The following SON variants were observed in gnomAD, a reference collection of about 807,000 sequenced individuals.
SON encodes the protein protein SON.
A neutral mutation model predicts 173.3 loss-of-function variants in SON; 4 were observed. That is an observed-to-expected ratio of 0.02 (90% CI 0.01 to 0.05). SON has a LOEUF of 0.05. Among genes scored for constraint, SON ranks in the 10% least tolerant of loss-of-function variants. The pLI, the probability that SON is intolerant of heterozygous loss-of-function variation, is 1.00. For synonymous variants in SON, 1,190 were observed against 1,105.9 expected (o/e 1.08, Z -1.51); for missense variants, 2,626 against 3,055.3 (o/e 0.86, Z 3.31).
chr21:33,576,017 A>AGT (rs1264148942), intron 11 of SON, 124 bp downstream of exon 11: 2 of 569,218 alleles, frequency 3.5e-6, no homozygotes, highest in African/African-American at 3.8e-5. Context: ...TTTGTAGTTA[A>AGT]GTGGTGGGGT....
intron 6 of SON, among the ~76,000 whole-genome samples, chr21:33,564,728 C>T (rs1482011270): frequency 1.3e-5 from 2 of 151,886 alleles, no homozygotes; most frequent in Non-Finnish European, 2.9e-5. Context: ...GGGGTGGCAG[C>T]GCATGCCTGT....
Position 33,552,298 on chromosome 21 carries a change from T to A in SON, c.3067T>A (p.Ser1023Thr). Residue 1023 changes from serine to threonine, a missense_variant, in exon 3 of 12, where the codon TCT (serine) becomes ACT (threonine). This residue lies in a region of SON where 366 missense variants were observed against 448.6 expected (regional missense o/e 0.82). Coordinates refer to ENST00000356577, the MANE Select transcript of SON (RefSeq NM_138927.4). This position sits in a 1 kb window ranked among gnomAD's most constrained non-coding sequence, Gnocchi z 5.6. ...ACGCTCTATGATGTCTTATGAGCGG[T>A]CTATGATGTCCCCTATGGCTGAACG... ...YERSMMSYERSMMSPMAERSM... is the reference protein window; with the variant it reads ...YERSMMSYERTMMSPMAERSM... 1 of 1,614,034 alleles carries A rather than the reference T, an allele frequency of 6.2e-7. No individual in the cohort carries two copies. Among genetic ancestry groups the A allele is most frequent in the Non-Finnish European group, 8.5e-7 (1 of 1,179,986 alleles).
At chr21:33,557,667 C>T (rs1359718332) in intron 4 of SON, 4 of 1,517,002 alleles carry the variant, frequency 2.6e-6, no homozygotes, top group Non-Finnish European at 3.5e-6. Context: ...TCACTGATCG[C>T]CACGAGTATA....
Position 33,553,881 on chromosome 21 carries a change from G to T in SON, c.4650G>T (p.Val1550=). ...CTAAAGAGATGGAACATAATACAGT[G>T]TGTGCTGCTGGTACTAGTCCTGTTG... ...LIAKEMEHNT[V]CAAGTSPVGE... is the part of the protein sequence containing the mutation. The change falls in exon 3 of 12, where the codon GTG becomes GTT. Residue 1550 remains valine, a synonymous_variant. Coordinates refer to ENST00000356577, the MANE Select transcript of SON (RefSeq NM_138927.4). 6.2e-7 allele frequency: 1 copy of T among 1,614,062 alleles called. No individual in the cohort carries two copies.
rs371103932 is a variant in SON, at chr21:33,543,069, A to T, written c.-24A>T. The T allele has an allele frequency of 8.0e-5, 129 of 1,611,390 alleles. No individual in the cohort carries two copies. The African/African-American group carries it at 1.6e-3, about 20-fold the overall frequency. On this transcript the variant is annotated 5_prime_UTR_variant, in exon 1 of 12. Coordinates refer to ENST00000356577, the MANE Select transcript of SON (RefSeq NM_138927.4). The stretch of plus-strand genomic sequence containing the variant: ...GGAGCCTGGAGGACTAGCGAGGAGG[A>T]GTTGAGAGAACGGAGCGGACGCCAT...
intron 3 of SON, 94 bp from the exon 4 acceptor site, chr21:33,557,062 G>C: frequency 8.9e-7 from 1 of 1,119,384 alleles, no homozygotes; most frequent in South Asian, 1.7e-5. Flanking sequence ...GATGGATCTA[G>C]GATGCCTTTA....
chr21:33,573,777 T>C (rs1569070073), intron 9 of SON, among the ~76,000 whole-genome samples: 2 of 152,254 alleles, frequency 1.3e-5, no homozygotes, highest in Admixed American at 6.5e-5. Flanking sequence ...TTCCATTTTA[T>C]TTTCTCTTGA....
At chr21:33,544,733 A>G (rs964466807) in intron 1 of SON, among the ~76,000 whole-genome samples, 4 of 152,212 alleles carry the variant, frequency 2.6e-5, no homozygotes, top group Admixed American at 2.0e-4. Flanking sequence ...ATTGCTTTTC[A>G]GTAAATGCGG....
rs138727844 is a variant in SON, at chr21:33,570,501, A to G, written c.6885+1414A>G. On this transcript the variant is annotated intron_variant, in intron 8 of 11. Transcript: ENST00000356577. Reference sequence around the variant, plus strand: ...AGTACACAGTTAGATTCATTAAGAAATTACAATTTCTGCAGTTTGCTGAGG... The same window carrying G: ...AGTACACAGTTAGATTCATTAAGAAGTTACAATTTCTGCAGTTTGCTGAGG... 3.2e-3 allele frequency among the ~76,000 whole-genome samples: 494 copies of G among 152,328 alleles called. 2 individuals carry two copies. The highest frequency in any genetic ancestry group is 5.4e-3 in the Admixed American group (82 of 15,302).
chr21:33,553,002 T>G lies in SON; in HGVS notation c.3771T>G (p.Ser1257=). ...CAGAACCACCACCAGAGCCAGAATC[T>G]TCAATTACGTTAACACCTGTAGAGT... is the stretch of plus-strand genomic sequence containing the variant. The part of the protein sequence containing the change: ...TVPEPPPEPE[S]SITLTPVESA... Residue 1257 remains serine (S), a synonymous_variant, in exon 3 of 12, where the codon TCT becomes TCG. Coordinates refer to ENST00000356577, the MANE Select transcript of SON (RefSeq NM_138927.4). 1 of 1,614,152 alleles carries G rather than the reference T, an allele frequency of 6.2e-7. No individual in the cohort carries two copies.
In SON at chr21:33,553,771, C is replaced by G; in HGVS notation, c.4540C>G (p.His1514Asp). ...TGCATTGCATTCAGGTGAAGAACCA[C>G]ATGCTGAGGAACACCTGAAAGGTGA... is the stretch of plus-strand genomic sequence containing the variant. ...EIALHSGEEPHAEEHLKGDFY... is the reference protein window; with the variant it reads ...EIALHSGEEPDAEEHLKGDFY... Residue 1514 changes from histidine to aspartate, a missense_variant, in exon 3 of 12, where the codon CAT becomes GAT. By Grantham distance (81) the His-to-Asp change is moderately conservative (BLOSUM62 -1). Transcript: ENST00000356577. The G allele has an allele frequency of 1.2e-6, 2 of 1,614,048 alleles. No homozygotes were observed. Among genetic ancestry groups the G allele is most frequent in the Non-Finnish European group, 1.7e-6 (2 of 1,179,972 alleles).
chr21:33,569,993 T>C (rs2086249840), intron 8 of SON: 1 of 154,872 alleles, frequency 6.5e-6, no homozygotes, highest in African/African-American at 2.4e-5. Flanking sequence ...GGCTGCCTCA[T>C]CATTGGGGGA....
chr21:33,573,681 A>G (rs945749286), intron 9 of SON, among the ~76,000 whole-genome samples: 1 of 152,278 alleles, frequency 6.6e-6, no homozygotes, highest in African/African-American at 2.4e-5. Flanking sequence ...TTGTTATGCT[A>G]GTTGCTAAAT....
intron 4 of SON, chr21:33,558,615 T>C (rs2086011452): frequency 6.6e-6 from 1 of 152,216 alleles, no homozygotes; most frequent in Non-Finnish European, 1.5e-5. Context: ...CAGTTAGTAT[T>C]TTGCTGTTTT....
chr21:33,572,184 TATATA>T (rs1569069191), intron 8 of SON: 2 of 16,844 alleles, frequency 1.2e-4, no homozygotes, highest in African/African-American at 3.5e-4. Flanking sequence ...TATATATTTA[TATATA>T]TATATATATA....
chr21:33,561,724 A>G (rs970498566), intron 6 of SON, among the ~76,000 whole-genome samples: 3 of 152,134 alleles, frequency 2.0e-5, no homozygotes, highest in Admixed American at 6.5e-5. Context: ...GTTTGTCATC[A>G]AAAGTTGTCA....
chr21:33,548,255 GTTAT>G (rs1327324064), intron 2 of SON, among the ~76,000 whole-genome samples: 1 of 151,622 alleles, frequency 6.6e-6, no homozygotes, highest in East Asian at 1.9e-4. Flanking sequence ...CATTTGAAAA[GTTAT>G]TTATTAGTGG....
At chr21:33,568,318 C>T (rs757974999) in intron 7 of SON, among the ~76,000 whole-genome samples, 1 of 152,192 alleles carries the variant, frequency 6.6e-6, no homozygotes, top group Admixed American at 6.5e-5. Context: ...CATGGAGAAA[C>T]CCTGTCTCGA....
chr21:33,553,337 A>G lies in SON; in HGVS notation c.4106A>G (p.Glu1369Gly). The change falls in exon 3 of 12, where the codon GAG (glutamate) becomes GGG (glycine). Residue 1369 changes from glutamate (E) to glycine (G), a missense_variant. Around this residue, in one of 13 missense-constraint regions of SON, gnomAD observed 1,006 missense variants for 895.6 expected, o/e 1.12. Coordinates refer to ENST00000356577, the MANE Select transcript of SON (RefSeq NM_138927.4). ...VLESSAVTVLESSTVTVLESS... is the reference protein window; with the variant it reads ...VLESSAVTVLGSSTVTVLESS... ...GAGTCTTCGGCTGTGACCGTCCTGG[A>G]GTCTTCGACTGTGACTGTCCTGGAG... The G allele has an allele frequency of 1.3e-6, 2 of 1,586,100 alleles. No individual in the cohort carries two copies. Among genetic ancestry groups the G allele is most frequent in the Non-Finnish European group, 1.7e-6 (2 of 1,157,510 alleles).
Sources: gnomAD v4.1 joint callset for allele counts (sites outside exome capture counted in the v4.1 genomes callset) on GRCh38, gnomAD v4.1.1 for gene constraint, gnomAD v4.1.1 regional missense constraint, Gnocchi (gnomAD v3.1) non-coding constraint, MANE v1.5 for transcripts, NCBI Gene and HGNC (gene_info 2026-07-23, HGNC 2026-07-21) for gene names.